UBE2E2: variants seen among roughly 807,000 people sequenced by gnomAD.
The protein encoded by UBE2E2 is ubiquitin conjugating enzyme E2 E2.
Under a neutral mutation model 24.7 loss-of-function variants are expected in UBE2E2, and 6 were observed. The observed-to-expected ratio is 0.24, with a 90% CI of 0.13 to 0.48. The LOEUF is 0.48. Ranked by LOEUF, UBE2E2 falls within the 20% of genes least tolerant of loss-of-function variation. The pLI, the probability that UBE2E2 is intolerant of heterozygous loss-of-function variation, is 0.99. For synonymous variants in UBE2E2, 104 were observed against 83.6 expected (o/e 1.24, Z -1.33); for missense variants, 169 against 245.0 (o/e 0.69, Z 2.07).
At chr3:23,560,162 T>G (rs1483491328) in intron 5 of UBE2E2, among the ~76,000 whole-genome samples, 1 of 152,020 alleles carries the variant, frequency 6.6e-6, no homozygotes, top group Non-Finnish European at 1.5e-5. Context: ...CTGCACCCGT[T>G]AACTCATCAT....
intron 2 of UBE2E2, among the ~76,000 whole-genome samples, 163 bp downstream of exon 2, chr3:23,209,038 G>A (rs1433376185): frequency 6.6e-6 from 1 of 152,016 alleles, no homozygotes; most frequent in Non-Finnish European, 1.5e-5. Flanking sequence ...TTAACCATAG[G>A]GAACTTCAGT....
intron 3 of UBE2E2, among the ~76,000 whole-genome samples, chr3:23,494,631 G>A (rs1376773733): frequency 1.3e-5 from 2 of 152,164 alleles, no homozygotes; most frequent in Non-Finnish European, 2.9e-5. Flanking sequence ...ACTGCTGTAA[G>A]CTTTGGGATT....
chr3:23,238,686 C>T (rs1028138252), intron 3 of UBE2E2, among the ~76,000 whole-genome samples: 5 of 152,172 alleles, frequency 3.3e-5, no homozygotes, highest in Admixed American at 3.3e-4. Context: ...GAGCGATCTT[C>T]AGGATGTGGC....
intron 5 of UBE2E2, among the ~76,000 whole-genome samples, chr3:23,547,703 A>G (rs1157500549): frequency 1.3e-5 from 2 of 152,200 alleles, no homozygotes; most frequent in Non-Finnish European, 2.9e-5. Flanking sequence ...TGCTCACCCT[A>G]ACTCAGAAGG....
At chr3:23,433,043 T>A (rs1698101949) in intron 3 of UBE2E2, among the ~76,000 whole-genome samples, 1 of 151,990 alleles carries the variant, frequency 6.6e-6, no homozygotes, top group Non-Finnish European at 1.5e-5. Context: ...TAATACTTTA[T>A]TCCTGTGATA....
intron 4 of UBE2E2, among the ~76,000 whole-genome samples, chr3:23,528,353 C>G (rs925191674): frequency 1.3e-5 from 2 of 152,010 alleles, no homozygotes; most frequent in East Asian, 3.9e-4. Context: ...CTGGTTTAGC[C>G]AGAGAAAGAG....
chr3:23,385,214 T>C (rs936485023), intron 3 of UBE2E2, among the ~76,000 whole-genome samples: 2 of 152,262 alleles, frequency 1.3e-5, no homozygotes, highest in African/African-American at 4.8e-5. Flanking sequence ...TTACACCTTC[T>C]TTCCCTGTTT....
intron 3 of UBE2E2, among the ~76,000 whole-genome samples, chr3:23,232,135 C>T (rs920826048): frequency 6.6e-6 from 1 of 152,210 alleles, no homozygotes; most frequent in Non-Finnish European, 1.5e-5. Flanking sequence ...AGGTTAAACC[C>T]TCTAATCATG....
At chr3:23,400,554 C>T (rs1051673381) in intron 3 of UBE2E2, among the ~76,000 whole-genome samples, 3 of 151,056 alleles carry the variant, frequency 2.0e-5, no homozygotes, top group African/African-American at 7.3e-5. Flanking sequence ...TCAGCAGTTA[C>T]TTCTCAAAGT....
At chr3:23,555,369 G>A (rs970272821) in intron 5 of UBE2E2, among the ~76,000 whole-genome samples, 2 of 152,154 alleles carry the variant, frequency 1.3e-5, no homozygotes, top group African/African-American at 4.8e-5. Flanking sequence ...CCAAAGAGAC[G>A]AGGTTAAGTG....
intron 5 of UBE2E2, among the ~76,000 whole-genome samples, chr3:23,569,998 T>G (rs1227702697): frequency 3.3e-5 from 5 of 152,210 alleles, no homozygotes; most frequent in Non-Finnish European, 7.3e-5. Flanking sequence ...CTTAACAATA[T>G]CTAGCAGATC....
intron 3 of UBE2E2, among the ~76,000 whole-genome samples, chr3:23,219,570 A>T (rs1184539422): frequency 6.6e-6 from 1 of 152,190 alleles, no homozygotes; most frequent in Non-Finnish European, 1.5e-5. Context: ...TGGCCTAATG[A>T]CTGTAATGGA....
At chr3:23,307,875 A>C (rs190030952) in intron 3 of UBE2E2, among the ~76,000 whole-genome samples, 1 of 152,324 alleles carries the variant, frequency 6.6e-6, no homozygotes, top group East Asian at 1.9e-4. Flanking sequence ...AATGCCCTAC[A>C]ATGTAAGCAG....
At chr3:23,256,075 A>G (rs1697713599) in intron 3 of UBE2E2, among the ~76,000 whole-genome samples, 2 of 152,224 alleles carry the variant, frequency 1.3e-5, no homozygotes, top group South Asian at 2.1e-4. Context: ...TGTGCTGCCT[A>G]TCATAGACCA....
At chr3:23,556,826 TG>T (rs1458813586) in intron 5 of UBE2E2, among the ~76,000 whole-genome samples, 5 of 152,224 alleles carry the variant, frequency 3.3e-5, no homozygotes, top group Non-Finnish European at 7.3e-5. Flanking sequence ...TGACATTCTG[TG>T]ACCCATAAAT....
At chr3:23,456,676 T>A (rs1698686729) in intron 3 of UBE2E2, among the ~76,000 whole-genome samples, 1 of 152,212 alleles carries the variant, frequency 6.6e-6, no homozygotes, top group Non-Finnish European at 1.5e-5. Flanking sequence ...AAATATTCAG[T>A]AAACTGTGCA....
At chr3:23,395,682 T>G (rs1281073999) in intron 3 of UBE2E2, among the ~76,000 whole-genome samples, 4 of 152,198 alleles carry the variant, frequency 2.6e-5, no homozygotes, top group Non-Finnish European at 5.9e-5. Context: ...TCTTCTTTAA[T>G]TTCTAATGCT....
intron 5 of UBE2E2, among the ~76,000 whole-genome samples, chr3:23,547,815 T>G (rs1695557555): frequency 6.6e-6 from 1 of 152,220 alleles, no homozygotes; most frequent in African/African-American, 2.4e-5. Context: ...TCTTTCAGAA[T>G]GTACTACCTT....
intron 5 of UBE2E2, among the ~76,000 whole-genome samples, chr3:23,578,169 T>G (rs766535833): frequency 4.0e-5 from 6 of 151,716 alleles, no homozygotes; most frequent in Admixed American, 6.6e-5. Flanking sequence ...GTGTGGCCAA[T>G]AAAAATATGA....
Sources: gnomAD v4.1 joint callset for allele counts (sites outside exome capture counted in the v4.1 genomes callset) on GRCh38, gnomAD v4.1.1 for gene constraint, MANE v1.5 for transcripts, NCBI Gene and HGNC (gene_info 2026-07-23, HGNC 2026-07-21) for gene names.